The following BCAS1 variants were observed in gnomAD, a reference collection of about 807,000 sequenced individuals.
BCAS1 encodes the protein breast carcinoma-amplified sequence 1.
Under a neutral mutation model 65.4 loss-of-function variants are expected in BCAS1, and 46 were observed. The observed-to-expected ratio is 0.70, with a 90% CI of 0.55 to 0.90. The LOEUF (loss-of-function observed/expected upper bound fraction) is 0.90. Ranked by LOEUF, BCAS1 falls within the 40% of genes least tolerant of loss-of-function variation. BCAS1 has a pLI of 0.00. For missense variants in BCAS1, 793 were observed against 771.2 expected (o/e 1.03, Z -0.33); for synonymous variants, 298 against 293.5 (o/e 1.02, Z -0.16).
chr20:54,049,636 A>T (rs911682513), intron 3 of BCAS1, among the ~76,000 whole-genome samples: 1 of 151,460 alleles, frequency 6.6e-6, no homozygotes, highest in Admixed American at 6.6e-5. Flanking sequence ...AAACTCCTGG[A>T]CTCAAGCAAT....
In BCAS1 at chr20:53,944,824, C is replaced by A. The variant is rs1366241572; in HGVS notation, c.*98G>T. 5 of 1,136,222 alleles carry A rather than the reference C, an allele frequency of 4.4e-6. No homozygotes were observed. The East Asian group carries it at 1.2e-4, about 27-fold the overall frequency. 70.4% of individuals were successfully genotyped at this position (1,136,222 alleles called of 1,614,324 possible). On this transcript the variant is annotated 3_prime_UTR_variant, in exon 13 of 13. Transcript: ENST00000688948. ...AGGCAGAATTTCATTTGCTGGCCAT[C>A]AGAAGAATATATACATGGAGCGTGT...
rs371421495 is a variant in BCAS1 at position 54,061,293 on chromosome 20, C to T, written c.-5-2570G>A. 8.5e-5 allele frequency among the ~76,000 whole-genome samples: 13 copies of T among 152,298 alleles called. 2 individuals carry two copies. The highest frequency in any genetic ancestry group is 3.9e-4 in the East Asian group (2 of 5,188). On this transcript the variant is annotated intron_variant, in intron 1 of 12. Transcript: ENST00000688948. ...CTTCCCTTAAAAAGGAGGAATGGAA[C>T]CTCCAAGACCCACCAAGGGCAAACA...
chr20:54,019,154 C>G (rs1432741923), intron 4 of BCAS1, among the ~76,000 whole-genome samples: 1 of 152,180 alleles, frequency 6.6e-6, no homozygotes, highest in Admixed American at 6.6e-5. Flanking sequence ...TTTTATTTTA[C>G]TTCTTCAAAC....
chr20:54,066,349 G>A (rs1378716635), intron 1 of BCAS1, among the ~76,000 whole-genome samples: 2 of 152,222 alleles, frequency 1.3e-5, no homozygotes, highest in African/African-American at 4.8e-5. Flanking sequence ...TGGGATTACA[G>A]GCGTGAGCCA....
At chr20:54,039,064 A>T (rs1371063638) in intron 3 of BCAS1, among the ~76,000 whole-genome samples, 1 of 151,458 alleles carries the variant, frequency 6.6e-6, no homozygotes, top group African/African-American at 2.4e-5. Flanking sequence ...CTTTATGAAG[A>T]CCTCAAAAAA....
intron 3 of BCAS1, among the ~76,000 whole-genome samples, chr20:54,046,000 G>A (rs949602536): frequency 5.3e-5 from 8 of 152,022 alleles, no homozygotes; most frequent in Non-Finnish European, 1.5e-5. Context: ...AGATGAGGAA[G>A]AAGCCAATAA....
At chr20:54,009,363 A>C (rs909698477) in intron 4 of BCAS1, among the ~76,000 whole-genome samples, 9 of 152,204 alleles carry the variant, frequency 5.9e-5, no homozygotes, top group African/African-American at 1.9e-4. Flanking sequence ...AACAGATGAC[A>C]ACAAAAAAGA....
Position 54,058,157 on chromosome 20 carries a change from G to C in BCAS1, c.73-3C>G. On this transcript the variant is annotated splice_polypyrimidine_tract_variant and splice_region_variant and intron_variant, in intron 2 of 12. Coordinates refer to ENST00000688948, the MANE Select transcript of BCAS1 (RefSeq NM_001366298.2). Reference sequence around the variant, plus strand: ...CCGTTCAGAGCAGACGCGTTGTCCTGAAACAGAGCACGTGGCATTGTGAGA... The same window carrying C: ...CCGTTCAGAGCAGACGCGTTGTCCTCAAACAGAGCACGTGGCATTGTGAGA... 1 of 1,613,770 alleles carries C rather than the reference G, an allele frequency of 6.2e-7. No homozygotes were observed. Among genetic ancestry groups the C allele is most frequent in the South Asian group, 1.1e-5 (1 of 91,032 alleles).
intron 12 of BCAS1, among the ~76,000 whole-genome samples, chr20:53,948,341 GC>G (rs1229757082): frequency 6.6e-6 from 1 of 151,530 alleles, no homozygotes; most frequent in African/African-American, 2.4e-5. Flanking sequence ...ACTTGTACAA[GC>G]ATTTTCTTCA....
intron 3 of BCAS1, among the ~76,000 whole-genome samples, chr20:54,054,040 G>T (rs1011857341): frequency 1.3e-5 from 2 of 152,188 alleles, no homozygotes; most frequent in Non-Finnish European, 2.9e-5. Context: ...AAGAGCAAAG[G>T]GATGTCTTAC....
chr20:53,978,285 T>C (rs1351904585), intron 8 of BCAS1, among the ~76,000 whole-genome samples: 1 of 152,208 alleles, frequency 6.6e-6, no homozygotes, highest in Non-Finnish European at 1.5e-5. Context: ...CCTGTCCATG[T>C]ACCACCTCTA....
rs933267371 is a variant in BCAS1 at position 53,967,032 on chromosome 20, T to C, written c.1359A>G (p.Glu453=). The change falls in exon 10 of 13, where the codon GAA becomes GAG. Residue 453 remains glutamate (E), a synonymous_variant. Transcript: ENST00000688948. ...CCACTGTTTGTAAGGCTGATTCTAC[T>C]TCCTTGGACTTTATAATCTCTACTG... The part of the protein sequence containing the change: ...ESPVEIIKSK[E]VESALQTVDL... The C allele has an allele frequency of 1.2e-6, 2 of 1,612,500 alleles. No homozygotes were observed. The highest frequency in any genetic ancestry group is 1.3e-5 in the African/African-American group (1 of 74,912).
At chr20:54,057,994 T>G in intron 3 of BCAS1, 91 bp downstream of exon 3, 1 of 1,035,500 alleles carries the variant, frequency 9.7e-7, no homozygotes, top group Non-Finnish European at 1.4e-6. Context: ...GCTTCGACCC[T>G]TTCATTTTTT....
At chr20:53,985,823 C>T (rs2090602505) in intron 7 of BCAS1, among the ~76,000 whole-genome samples, 3 of 152,126 alleles carry the variant, frequency 2.0e-5, no homozygotes, top group Admixed American at 2.0e-4. Context: ...CACTGGTCTC[C>T]AAATGGTTTC....
intron 3 of BCAS1, among the ~76,000 whole-genome samples, chr20:54,048,199 T>C (rs1310086151): frequency 2.0e-5 from 3 of 152,140 alleles, no homozygotes; most frequent in African/African-American, 7.2e-5. Context: ...GTTTAGGATG[T>C]GAGTTAGATC....
At chr20:53,974,872 G>A (rs2090282943) in intron 9 of BCAS1, among the ~76,000 whole-genome samples, 1 of 152,142 alleles carries the variant, frequency 6.6e-6, no homozygotes, top group Non-Finnish European at 1.5e-5. Flanking sequence ...AAACTGTGAG[G>A]CTCAACGTCT....
At chr20:54,052,665 G>T (rs989545245) in intron 3 of BCAS1, among the ~76,000 whole-genome samples, 1 of 152,166 alleles carries the variant, frequency 6.6e-6, no homozygotes, top group African/African-American at 2.4e-5. Context: ...TCTGCCATCT[G>T]AGGACACAGC....
At chr20:53,949,228 G>T (rs1490770874) in intron 12 of BCAS1, among the ~76,000 whole-genome samples, 1 of 151,808 alleles carries the variant, frequency 6.6e-6, no homozygotes, top group Non-Finnish European at 1.5e-5. Flanking sequence ...ACACACCCAG[G>T]TTTTGTGACA....
At chr20:53,962,369 ATT>A (rs2089904434) in intron 10 of BCAS1, among the ~76,000 whole-genome samples, 2 of 152,250 alleles carry the variant, frequency 1.3e-5, no homozygotes, top group Admixed American at 6.5e-5. Context: ...GCCTGAGAAC[ATT>A]ATTCCAACAA....
Sources: allele counts gnomAD v4.1 joint callset (sites outside exome capture counted in the v4.1 genomes callset), GRCh38; gene constraint gnomAD v4.1.1; transcripts MANE v1.5; gene names NCBI Gene and HGNC (gene_info 2026-07-23, HGNC 2026-07-21).